CWH43: variants seen among roughly 807,000 people sequenced by gnomAD.
The protein encoded by CWH43 is PGAP2-interacting protein.
CWH43 carries 91 observed loss-of-function variants against 85.7 expected under a neutral mutation model. The ratio of observed to expected loss-of-function variants is 1.06; its 90% confidence interval spans 0.90 to 1.26. CWH43 has a LOEUF of 1.26. Among genes scored for constraint, CWH43 ranks in the 50% most tolerant of loss-of-function variants. The pLI is 0.00. For missense variants in CWH43, 869 were observed against 839.2 expected (o/e 1.04, Z -0.44); for synonymous variants, 323 against 293.6 (o/e 1.10, Z -1.02).
chr4:49,014,184 G>A (rs1010565038), intron 8 of CWH43, among the ~76,000 whole-genome samples: 1 of 152,142 alleles, frequency 6.6e-6, no homozygotes, highest in Non-Finnish European at 1.5e-5. Context: ...CAGGTGCAGT[G>A]GTTCACTTCT....
Position 49,030,806 on chromosome 4 carries a change from C to CTT in CWH43, c.1373-10_1373-9dup. 33 of 1,402,530 alleles carry CTT rather than the reference C, an allele frequency of 2.4e-5. No individual in the cohort carries two copies. Among genetic ancestry groups the CTT allele is most frequent in the South Asian group, 1.5e-4 (11 of 72,126 alleles). The allele number at this position is 1,402,530 out of a possible 1,614,324, so 86.9% of individuals were successfully genotyped here. ...TGCTGTGATTCATCACTGTATGCTA[C>CTT]TTTTTTTTTTCTGAACAGGTGCAGA... is the stretch of plus-strand genomic sequence containing the variant. On this transcript the variant is annotated intron_variant, in intron 10 of 15. Coordinates refer to ENST00000226432, the MANE Select transcript of CWH43 (RefSeq NM_025087.3).
intron 1 of CWH43, among the ~76,000 whole-genome samples, chr4:48,988,087 G>A (rs1329080471): frequency 6.6e-6 from 1 of 152,122 alleles, no homozygotes; most frequent in Non-Finnish European, 1.5e-5. Context: ...AGAGACTCAC[G>A]GCAGCAGGAA....
intron 9 of CWH43, among the ~76,000 whole-genome samples, chr4:49,017,659 T>C (rs935274680): frequency 6.6e-6 from 1 of 152,164 alleles, no homozygotes; most frequent in Non-Finnish European, 1.5e-5. Context: ...CCGGGTAATT[T>C]ATAAAGAAGA....
intron 15 of CWH43, among the ~76,000 whole-genome samples, chr4:49,055,267 T>C (rs917985632): frequency 6.6e-6 from 1 of 152,240 alleles, no homozygotes; most frequent in Non-Finnish European, 1.5e-5. Context: ...GATGATCATA[T>C]GATTTTTGTC....
At chr4:49,041,624 T>C (rs533251000) in intron 13 of CWH43, among the ~76,000 whole-genome samples, 3 of 152,246 alleles carry the variant, frequency 2.0e-5, no homozygotes, top group Non-Finnish European at 2.9e-5. Context: ...AAGTTGCTCA[T>C]CCGCTTAAGG....
intron 13 of CWH43, among the ~76,000 whole-genome samples, chr4:49,039,335 T>TATA (rs1560509180): frequency 3.6e-3 from 19 of 5,212 alleles, no homozygotes; most frequent in East Asian, 7.8e-3. Flanking sequence ...ATATATATAC[T>TATA]GATGTATATA....
chr4:49,058,884 T>C (rs1299129347), intron 15 of CWH43, among the ~76,000 whole-genome samples: 2 of 152,224 alleles, frequency 1.3e-5, no homozygotes, highest in East Asian at 3.8e-4. Flanking sequence ...TCTTGTTGCC[T>C]GCAAAATTTT....
chr4:49,030,373 T>C (rs1374356652), intron 10 of CWH43, among the ~76,000 whole-genome samples: 2 of 152,150 alleles, frequency 1.3e-5, no homozygotes, highest in Non-Finnish European at 2.9e-5. Context: ...CCCTTAGCCC[T>C]TTTTTAGTCT....
intron 12 of CWH43, 33 bp downstream of exon 12, chr4:49,032,748 A>G: frequency 6.2e-7 from 1 of 1,607,428 alleles, no homozygotes; most frequent in Non-Finnish European, 8.5e-7. Flanking sequence ...ATATTACACA[A>G]ATGCCAAGAA....
chr4:49,051,866 C>T (rs775182605), intron 15 of CWH43, among the ~76,000 whole-genome samples: 11 of 152,178 alleles, frequency 7.2e-5, no homozygotes, highest in African/African-American at 1.7e-4. Context: ...TGTGAGCCAC[C>T]GTGCCCGGCC....
chr4:48,990,930 TG>T (rs1782641392), intron 2 of CWH43, among the ~76,000 whole-genome samples: 1 of 152,180 alleles, frequency 6.6e-6, no homozygotes, highest in Non-Finnish European at 1.5e-5. Flanking sequence ...ATACATGCAA[TG>T]GAATATTATA....
chr4:49,038,083 T>C lies in CWH43; in HGVS notation c.1706T>C (p.Leu569Pro), dbSNP rs1325831671. ...KLQAIAVSKL[L>P]KSSSNQVIFL... is the part of the protein sequence containing the mutation. ...CAGGCTATTGCTGTTTCAAAACTAC[T>C]GAAAAGTAGCTCTAATCAAGTGATA... Residue 569 changes from leucine (L) to proline (P), a missense_variant, in exon 13 of 16, where the codon CTG (leucine) becomes CCG (proline). Physicochemically the swap from Leu to Pro is moderately conservative, Grantham distance 98. Coordinates refer to ENST00000226432, the MANE Select transcript of CWH43 (RefSeq NM_025087.3). The C allele has an allele frequency of 6.2e-6, 10 of 1,612,870 alleles. No homozygotes were observed. Among genetic ancestry groups the C allele is most frequent in the Non-Finnish European group, 8.5e-6 (10 of 1,179,524 alleles).
At chr4:48,991,351 C>A in intron 2 of CWH43, 103 bp from the exon 3 acceptor site, 2 of 1,197,896 alleles carry the variant, frequency 1.7e-6, no homozygotes, top group South Asian at 3.3e-5. Context: ...ACTCTGTCTT[C>A]CTGAGTATAA....
chr4:49,033,472 G>A (rs1311621497), intron 12 of CWH43, among the ~76,000 whole-genome samples: 1 of 152,136 alleles, frequency 6.6e-6, no homozygotes, highest in East Asian at 1.9e-4. Flanking sequence ...GAAGAGGACG[G>A]AAAACAGCCT....
intron 10 of CWH43, among the ~76,000 whole-genome samples, 192 bp from the exon 11 acceptor site, chr4:49,030,633 A>T (rs1008167068): frequency 1.3e-5 from 2 of 152,168 alleles, no homozygotes; most frequent in African/African-American, 4.8e-5. Flanking sequence ...TTTTAATTGC[A>T]TTCTAAACGT....
intron 12 of CWH43, among the ~76,000 whole-genome samples, chr4:49,032,928 A>C (rs1784146343): frequency 6.6e-6 from 1 of 152,106 alleles, no homozygotes; most frequent in African/African-American, 2.4e-5. Context: ...GTTAGTCTGC[A>C]TTTACTGAGC....
At chr4:48,990,565 C>A (rs1034727300) in intron 2 of CWH43, among the ~76,000 whole-genome samples, 16 of 152,144 alleles carry the variant, frequency 1.1e-4, no homozygotes, top group African/African-American at 3.6e-4. Context: ...ACTATGAAAC[C>A]AGTTCATACT....
chr4:49,023,262 T>G (rs1293254309), intron 9 of CWH43, among the ~76,000 whole-genome samples: 2 of 152,230 alleles, frequency 1.3e-5, no homozygotes, highest in African/African-American at 4.8e-5. Context: ...TTCAAAGAAT[T>G]TTTAAATTTC....
chr4:49,020,935 C>G (rs1783733611), intron 9 of CWH43, among the ~76,000 whole-genome samples: 1 of 151,558 alleles, frequency 6.6e-6, no homozygotes, highest in Non-Finnish European at 1.5e-5. Flanking sequence ...GTTTGAATTC[C>G]TTGTAGCTTC....
Sources: gnomAD v4.1 joint callset for allele counts (sites outside exome capture counted in the v4.1 genomes callset) on GRCh38, gnomAD v4.1.1 for gene constraint, MANE v1.5 for transcripts, NCBI Gene and HGNC (gene_info 2026-07-23, HGNC 2026-07-21) for gene names.